The following B4GALT6 variants were observed in gnomAD, a reference collection of about 807,000 sequenced individuals.
B4GALT6 encodes the protein UDP-Gal:beta-GlcNAc beta-1,4-galactosyltransferase 6.
B4GALT6 carries 14 observed loss-of-function variants against 46.3 expected under a neutral mutation model. The ratio of observed to expected loss-of-function variants is 0.30; its 90% CI spans 0.20 to 0.47. The LOEUF (loss-of-function observed/expected upper bound fraction) is 0.47, where lower values mean the gene tolerates loss of function less well. Ranked by LOEUF, B4GALT6 falls within the 20% of genes least tolerant of loss-of-function variation. The pLI is 0.99. For synonymous variants in B4GALT6, 168 were observed against 162.0 expected, an observed-to-expected ratio of 1.04 and a Z score of -0.28; for missense variants, 386 against 480.1, an observed-to-expected ratio of 0.80 and a Z score of 1.83.
chr18:31,651,634 T>A (rs1419960921), intron 3 of B4GALT6, among the ~76,000 whole-genome samples: 3 of 152,090 alleles, frequency 2.0e-5, no homozygotes, highest in African/African-American at 7.2e-5. Flanking sequence ...ACCGCGGGCT[T>A]CCTCAGGGGA....
chr18:31,694,773 A>C, the B4GALT6 span, among the ~76,000 whole-genome samples: 1 of 152,186 alleles, frequency 6.6e-6, no homozygotes, highest in Non-Finnish European at 1.5e-5. Flanking sequence ...ATATCACTTT[A>C]CCAACATGAA....
chr18:31,707,015 A>G, the B4GALT6 span, among the ~76,000 whole-genome samples: 1 of 152,174 alleles, frequency 6.6e-6, no homozygotes, highest in Non-Finnish European at 1.5e-5. Flanking sequence ...TAAACGCCAG[A>G]AGGAAACGAC....
chr18:31,686,102 G>A (rs1346968796), upstream of B4GALT6: 1 of 152,276 alleles, frequency 6.6e-6, no homozygotes, highest in Non-Finnish European at 1.5e-5. Flanking sequence ...CCTGCTAGCT[G>A]ACTGTCCAGG....
chr18:31,661,546 T>TCTCA (rs1555639047), intron 2 of B4GALT6, among the ~76,000 whole-genome samples: 3 of 151,244 alleles, frequency 2.0e-5, no homozygotes, highest in Admixed American at 6.6e-5. Context: ...TCGCTCTCTC[T>TCTCA]CACACACACA....
At chr18:31,665,342 T>C (rs2074270328) in intron 2 of B4GALT6, among the ~76,000 whole-genome samples, 1 of 152,182 alleles carries the variant, frequency 6.6e-6, no homozygotes, top group African/African-American at 2.4e-5. Flanking sequence ...AATAGTGAAA[T>C]CTATTTACAT....
rs770343819 is a variant in B4GALT6, at chr18:31,657,969, G to T, written c.346+7C>A. ...AACAGTTAAGTCAAAATTAGATGAC[G>T]ACTTACGCATATAAGGCAGCTTTTC... On this transcript the variant is annotated splice_region_variant and intron_variant, in intron 3 of 8. Transcript: ENST00000306851. The T allele has an allele frequency of 6.3e-7, 1 of 1,596,784 alleles. No individual in the cohort carries two copies.
At chr18:31,714,505 T>A in the B4GALT6 span, among the ~76,000 whole-genome samples, 1 of 152,186 alleles carries the variant, frequency 6.6e-6, no homozygotes, top group African/African-American at 2.4e-5. Context: ...AGGCAAAGTG[T>A]GTCTTTAGCA....
intron 5 of B4GALT6, among the ~76,000 whole-genome samples, chr18:31,635,691 GC>G (rs1241381640): frequency 6.6e-6 from 1 of 152,188 alleles, no homozygotes; most frequent in Non-Finnish European, 1.5e-5. Flanking sequence ...GATGGTGGGT[GC>G]CTGTAATTCC....
the B4GALT6 span, among the ~76,000 whole-genome samples, chr18:31,695,417 G>A: frequency 6.6e-6 from 1 of 152,104 alleles, no homozygotes; most frequent in Non-Finnish European, 1.5e-5. Context: ...TTCCTGCTCA[G>A]TACACTTGGG....
Position 31,645,388 on chromosome 18 carries a change from A to G in B4GALT6, c.438T>C (p.His146=). 4 of 1,613,844 alleles carry G rather than the reference A, an allele frequency of 2.5e-6. No individual in the cohort carries two copies. The highest frequency in any genetic ancestry group is 3.4e-6 in the Non-Finnish European group (4 of 1,179,906). Residue 146 remains histidine (H), a synonymous_variant, in exon 4 of 9, where the codon CAT becomes CAC. Coordinates refer to ENST00000306851, the MANE Select transcript of B4GALT6 (RefSeq NM_004775.5). ...TGGGTTTACAGTCTTTTGGCCTCCA[A>G]TGACCCCCTGGCTCAATATCTAAAT... is the stretch of plus-strand genomic sequence containing the variant. ...SKDLDIEPGG[H]WRPKDCKPRW...
In B4GALT6 at chr18:31,624,685, G is replaced by A. The variant is rs1330111334; in HGVS notation, c.*929C>T. On this transcript the variant is annotated 3_prime_UTR_variant, in exon 9 of 9. Transcript: ENST00000306851. Reference sequence around the variant, plus strand: ...TACTTTTTTTTGGCTCTTCTGAACTGGAAATAATAAAAGTGCTGTTCACCG... The same window carrying A: ...TACTTTTTTTTGGCTCTTCTGAACTAGAAATAATAAAAGTGCTGTTCACCG... 6.6e-6 allele frequency: 1 copy of A among 151,436 alleles called. No individual in the cohort carries two copies. The highest frequency in any genetic ancestry group is 2.4e-5 in the African/African-American group (1 of 41,200). 9.4% of individuals were successfully genotyped at this position (151,436 alleles called of 1,614,324 possible).
chr18:31,698,394 G>T, the B4GALT6 span, among the ~76,000 whole-genome samples: 1 of 152,138 alleles, frequency 6.6e-6, no homozygotes, highest in African/African-American at 2.4e-5. Context: ...ACTTTGGGAG[G>T]CCGAGCAGGC....
At chr18:31,633,884 A>G (rs1207484866) in intron 5 of B4GALT6, among the ~76,000 whole-genome samples, 1 of 152,174 alleles carries the variant, frequency 6.6e-6, no homozygotes, top group Non-Finnish European at 1.5e-5. Flanking sequence ...ATGATTTACT[A>G]CTGCCGGTCC....
At chr18:31,682,209 T>C (rs2074487975) in intron 1 of B4GALT6, among the ~76,000 whole-genome samples, 1 of 152,230 alleles carries the variant, frequency 6.6e-6, no homozygotes, top group Non-Finnish European at 1.5e-5. Context: ...ACAGTATTTG[T>C]TGCCAATGAT....
intron 3 of B4GALT6, among the ~76,000 whole-genome samples, chr18:31,654,309 G>A (rs1044298968): frequency 6.6e-6 from 1 of 152,120 alleles, no homozygotes; most frequent in African/African-American, 2.4e-5. Flanking sequence ...TCCACACTAA[G>A]CACTTATTAA....
At chr18:31,695,054 T>C in the B4GALT6 span, among the ~76,000 whole-genome samples, 1 of 152,152 alleles carries the variant, frequency 6.6e-6, no homozygotes, top group Non-Finnish European at 1.5e-5. Context: ...AATCATGCTA[T>C]ACTACGGAGA....
chr18:31,649,119 C>G (rs896961493), intron 3 of B4GALT6, among the ~76,000 whole-genome samples: 3 of 152,210 alleles, frequency 2.0e-5, no homozygotes, highest in East Asian at 3.8e-4. Context: ...CTAAGCACAG[C>G]TCTGAGGCTG....
the B4GALT6 span, among the ~76,000 whole-genome samples, chr18:31,698,940 G>A: frequency 3.2e-4 from 49 of 152,048 alleles, no homozygotes; most frequent in African/African-American, 1.1e-3. Flanking sequence ...TGTGGTGCAC[G>A]CCTGTGGTGT....
chr18:31,658,081 C>G lies in B4GALT6; in HGVS notation c.241G>C (p.Glu81Gln). 6.3e-7 allele frequency: 1 copy of G among 1,592,392 alleles called. No individual in the cohort carries two copies. Among genetic ancestry groups the G allele is most frequent in the Non-Finnish European group, 8.6e-7 (1 of 1,169,022 alleles). ...AGATAATCACTTGAATTATTGCCTT[C>G]GGGATAATCTTGGAAAGAGAGAAAA... Reference protein sequence around the residue: ...NSTLNGTDYPEGNNSSDYLVQ... With the variant: ...NSTLNGTDYPQGNNSSDYLVQ... The change falls in exon 3 of 9, where the codon GAA becomes CAA. Residue 81 changes from glutamate to glutamine, a missense_variant. Glu to Gln is a conservative substitution (Grantham distance 29). Around this residue, in one of 2 missense-constraint regions of B4GALT6, gnomAD observed 323 missense variants for 438.9 expected, o/e 0.74. Transcript: ENST00000306851.
Sources: allele counts gnomAD v4.1 joint callset (sites outside exome capture counted in the v4.1 genomes callset), GRCh38; gene constraint gnomAD v4.1.1; regional missense constraint gnomAD v4.1.1; transcripts MANE v1.5; gene names NCBI Gene and HGNC (gene_info 2026-07-23, HGNC 2026-07-21).